The following MAML3 variants were observed in gnomAD, a reference collection of about 807,000 sequenced individuals.
MAML3 encodes the protein mastermind-like protein 3.
A neutral mutation model predicts 101.9 loss-of-function variants in MAML3; 27 were observed. The ratio of observed to expected loss-of-function variants is 0.27; its 90% CI spans 0.20 to 0.37. MAML3 has a LOEUF of 0.37. Among genes scored for constraint, MAML3 ranks in the 10% least tolerant of loss-of-function variants. The probability of loss-of-function intolerance (pLI) is 1.00; values close to 1 mark genes in which losing one functional copy is unlikely to be tolerated. For synonymous variants in MAML3, 501 were observed against 555.9 expected, an observed-to-expected ratio of 0.90 and a Z score of 1.39; for missense variants, 1,316 against 1,444.9, an observed-to-expected ratio of 0.91 and a Z score of 1.45.
intron 2 of MAML3, among the ~76,000 whole-genome samples, chr4:139,771,608 C>A (rs779346693): frequency 6.6e-6 from 1 of 152,218 alleles, no homozygotes; most frequent in Non-Finnish European, 1.5e-5. Flanking sequence ...TTATACACTG[C>A]TCCTCTAGAG....
intron 1 of MAML3, among the ~76,000 whole-genome samples, chr4:140,046,336 C>T (rs765056588): frequency 2.0e-5 from 3 of 152,170 alleles, no homozygotes; most frequent in Admixed American, 6.5e-5. Context: ...AGCAGAATCT[C>T]GTCTCCCCAC....
At chr4:140,096,813 G>A (rs746155407) in intron 1 of MAML3, among the ~76,000 whole-genome samples, 2 of 152,064 alleles carry the variant, frequency 1.3e-5, no homozygotes, top group African/African-American at 2.4e-5. Context: ...GCAAGATACC[G>A]AGAGAGTTAC....
At chr4:139,728,486 A>G (rs1052633398) in intron 3 of MAML3, among the ~76,000 whole-genome samples, 4 of 152,200 alleles carry the variant, frequency 2.6e-5, no homozygotes. Context: ...GTGGGCTGGG[A>G]AATTATTAAA....
In MAML3 at chr4:139,889,380, C is replaced by T. The variant is rs1424471782; in HGVS notation, c.2056G>A (p.Ala686Thr). The T allele has an allele frequency of 6.2e-6, 10 of 1,614,006 alleles. No homozygotes were observed. The highest frequency in any genetic ancestry group is 8.5e-6 in the Non-Finnish European group (10 of 1,179,894). The change falls in exon 2 of 5, where the codon GCT becomes ACT. Residue 686 changes from alanine to threonine, a missense_variant. Physicochemically the swap from Ala to Thr is moderately conservative, Grantham distance 58. Transcript: ENST00000509479. ...KGVMNQPMAY[A>T]ALPSHGQEQH... ...ACCTGACCGTGGGATGGAAGTGCAG[C>T]GTAAGCCATGGGCTGATTCATCACT...
chr4:139,822,513 G>A (rs1047067096), intron 2 of MAML3, among the ~76,000 whole-genome samples: 2 of 152,258 alleles, frequency 1.3e-5, no homozygotes, highest in East Asian at 3.9e-4. Context: ...CCTTATTGGC[G>A]CTAGACATAC....
chr4:140,039,159 A>G (rs910632409), intron 1 of MAML3, among the ~76,000 whole-genome samples: 2 of 152,172 alleles, frequency 1.3e-5, no homozygotes, highest in Non-Finnish European at 2.9e-5. Flanking sequence ...ATTAAGGCAA[A>G]TTAAACACAA....
intron 1 of MAML3, among the ~76,000 whole-genome samples, chr4:139,975,679 C>T (rs1734326308): frequency 6.6e-6 from 1 of 152,034 alleles, no homozygotes; most frequent in African/African-American, 2.4e-5. Flanking sequence ...GAATAGGGGC[C>T]CAGGAACTAT....
chr4:139,731,608 CTCTT>C (rs1728727705), intron 2 of MAML3, among the ~76,000 whole-genome samples: 1 of 151,766 alleles, frequency 6.6e-6, no homozygotes. Flanking sequence ...CAGAGTGAGA[CTCTT>C]TCTCAAAAAA....
intron 1 of MAML3, among the ~76,000 whole-genome samples, chr4:140,094,312 C>T (rs1728113123): frequency 6.6e-6 from 1 of 152,200 alleles, no homozygotes; most frequent in Non-Finnish European, 1.5e-5. Flanking sequence ...GAGGAGCAGG[C>T]CTAGCTATAG....
At chr4:140,118,743 T>C (rs1282436823) in intron 1 of MAML3, among the ~76,000 whole-genome samples, 3 of 152,154 alleles carry the variant, frequency 2.0e-5, no homozygotes, top group Non-Finnish European at 2.9e-5. Flanking sequence ...CATAAAGTAT[T>C]ATGGCCCATT....
At chr4:139,757,642 C>A (rs1190152226) in intron 2 of MAML3, among the ~76,000 whole-genome samples, 35 of 104,550 alleles carry the variant, frequency 3.3e-4, no homozygotes, top group African/African-American at 8.6e-4. Context: ...GGCTCCATTT[C>A]AAAAAAAAAA....
At chr4:139,755,999 G>T (rs1729642830) in intron 2 of MAML3, among the ~76,000 whole-genome samples, 1 of 152,150 alleles carries the variant, frequency 6.6e-6, no homozygotes, top group Admixed American at 6.5e-5. Flanking sequence ...GTCTGGGAAA[G>T]AATAAATCTA....
At chr4:139,806,811 A>C (rs1024669053) in intron 2 of MAML3, among the ~76,000 whole-genome samples, 2 of 152,240 alleles carry the variant, frequency 1.3e-5, no homozygotes, top group Admixed American at 6.5e-5. Flanking sequence ...AGGTGAACAA[A>C]GTAGGATACA....
At chr4:139,887,449 G>A (rs1248295475) in intron 2 of MAML3, among the ~76,000 whole-genome samples, 1 of 152,194 alleles carries the variant, frequency 6.6e-6, no homozygotes, top group African/African-American at 2.4e-5. Flanking sequence ...ACATCACTTT[G>A]CTTCTTCAGC....
chr4:140,038,913 G>A (rs1177494491), intron 1 of MAML3, among the ~76,000 whole-genome samples: 2 of 152,046 alleles, frequency 1.3e-5, no homozygotes, highest in Non-Finnish European at 1.5e-5. Context: ...GGCAGATCAC[G>A]AGGTCAGGAG....
At chr4:140,060,511 C>A (rs1371778067) in intron 1 of MAML3, among the ~76,000 whole-genome samples, 1 of 151,698 alleles carries the variant, frequency 6.6e-6, no homozygotes, top group Non-Finnish European at 1.5e-5. Flanking sequence ...ATAAGAATTT[C>A]TTTGAACAGG....
intron 2 of MAML3, among the ~76,000 whole-genome samples, chr4:139,769,279 C>T (rs1027229546): frequency 6.6e-6 from 1 of 152,154 alleles, no homozygotes; most frequent in Non-Finnish European, 1.5e-5. Flanking sequence ...CAGAGAGGCT[C>T]TGGGGTCCCC....
intron 1 of MAML3, among the ~76,000 whole-genome samples, chr4:140,037,813 C>G: frequency 6.6e-6 from 1 of 152,212 alleles, no homozygotes; most frequent in Non-Finnish European, 1.5e-5. Context: ...TTAACAAACT[C>G]TCAGCAGGCA....
At chr4:139,856,314 C>A (rs886836316) in intron 2 of MAML3, among the ~76,000 whole-genome samples, 1 of 151,888 alleles carries the variant, frequency 6.6e-6, no homozygotes, top group African/African-American at 2.4e-5. Flanking sequence ...TTGTCATTTA[C>A]GAAGTCGAAT....
Sources: gnomAD v4.1 joint callset for allele counts (sites outside exome capture counted in the v4.1 genomes callset) on GRCh38, gnomAD v4.1.1 for gene constraint, MANE v1.5 for transcripts, NCBI Gene and HGNC (gene_info 2026-07-23, HGNC 2026-07-21) for gene names.